BLOC1S3: variants seen among roughly 807,000 people sequenced by gnomAD.
The protein encoded by BLOC1S3 is biogenesis of lysosome-related organelles complex 1 subunit 3.
A neutral mutation model predicts 9.1 loss-of-function variants in BLOC1S3; 7 were observed. The ratio of observed to expected loss-of-function variants is 0.77; its 90% CI spans 0.44 to 1.45. The LOEUF (loss-of-function observed/expected upper bound fraction) is 1.45. Ranked by LOEUF, BLOC1S3 falls within the 40% of genes most tolerant of loss-of-function variation. The pLI is 0.01. For missense variants in BLOC1S3, 307 were observed against 315.2 expected (o/e 0.97, Z 0.20); for synonymous variants, 145 against 158.4 (o/e 0.92, Z 0.64).
In BLOC1S3 at chr19:45,180,294, G is replaced by A. The variant is rs117001334; in HGVS notation, c.*389G>A. On this transcript the variant is annotated 3_prime_UTR_variant, in exon 2 of 2. Transcript: ENST00000433642. ...GTGTTTATCTGTCACCCAGGCTAGA[G>A]TGCAGTGGCGGGATTACTGCTCACT... 2.4e-4 allele frequency: 37 copies of A among 153,610 alleles called. No individual in the cohort carries two copies. In the East Asian group the frequency reaches 5.9e-3, roughly 24 times the overall value. 9.5% of individuals were successfully genotyped at this position (153,610 alleles called of 1,614,324 possible). A position where few individuals can be genotyped will look rare whatever the true frequency, so the allele number is the denominator to read the frequency against.
intron 3 of BLOC1S3, among the ~76,000 whole-genome samples, chr19:45,204,076 G>C (rs1043356366): frequency 1.3e-5 from 2 of 150,622 alleles, no homozygotes; most frequent in Non-Finnish European, 3.0e-5. Flanking sequence ...GCGCAATCTT[G>C]GCTCACTGCA....
At chr19:45,183,134 G>A (rs184876619), downstream of BLOC1S3, among the ~76,000 whole-genome samples, 30 of 152,104 alleles carry the variant, frequency 2.0e-4, no homozygotes, top group African/African-American at 6.7e-4. Context: ...GTGGGGCAGG[G>A]GGGTGCTGAG....
chr19:45,179,977 T>A lies in BLOC1S3; in HGVS notation c.*72T>A. On this transcript the variant is annotated 3_prime_UTR_variant, in exon 2 of 2. Transcript: ENST00000433642. The surrounding 1 kb of genome is among the most constrained non-coding windows in gnomAD (Gnocchi z 4.6). ...GCTGCCTCTGGGACCTGACTCTGTCTCCTGTGTCTCTTATCACCCCCCACC... is the reference window on the plus strand; with the variant it reads ...GCTGCCTCTGGGACCTGACTCTGTCACCTGTGTCTCTTATCACCCCCCACC... 2 of 1,540,914 alleles carry A rather than the reference T, an allele frequency of 1.3e-6. No individual in the cohort carries two copies. The highest frequency in any genetic ancestry group is 1.8e-6 in the Non-Finnish European group (2 of 1,136,666).
chr19:45,179,361 C>T lies in BLOC1S3; in HGVS notation c.65C>T (p.Ala22Val), dbSNP rs1441020258. ...RRPETVVPGEATETDSERSAS... is the reference protein window; with the variant it reads ...RRPETVVPGEVTETDSERSAS... Reference sequence around the variant, plus strand: ...CCGGAGACGGTGGTGCCGGGGGAGGCGACCGAGACGGATTCCGAGCGCTCT... The same window carrying T: ...CCGGAGACGGTGGTGCCGGGGGAGGTGACCGAGACGGATTCCGAGCGCTCT... Residue 22 changes from alanine (A) to valine (V), a missense_variant, in exon 2 of 2, where the codon GCG (alanine) becomes GTG (valine). By Grantham distance (64) the Ala-to-Val change is moderately conservative (BLOSUM62 0). Transcript: ENST00000433642. This position sits in a 1 kb window ranked among gnomAD's most constrained non-coding sequence, Gnocchi z 4.6. The T allele has an allele frequency of 1.3e-6, 2 of 1,584,988 alleles. No individual in the cohort carries two copies. Among genetic ancestry groups the T allele is most frequent in the South Asian group, 2.2e-5 (2 of 88,894 alleles).
intron 2 of BLOC1S3, among the ~76,000 whole-genome samples, chr19:45,200,182 A>T (rs967632940): frequency 7.4e-6 from 1 of 135,220 alleles, no homozygotes; most frequent in Non-Finnish European, 1.6e-5. Flanking sequence ...TTTCTACTTA[A>T]TTTTTTTTTT....
intron 2 of BLOC1S3, among the ~76,000 whole-genome samples, chr19:45,197,412 G>T (rs556481312): frequency 2.0e-5 from 3 of 150,996 alleles, no homozygotes; most frequent in Non-Finnish European, 4.4e-5. Context: ...ACTTGAACCC[G>T]GGAGGTGGAG....
intron 2 of BLOC1S3, among the ~76,000 whole-genome samples, chr19:45,195,987 C>T (rs912369235): frequency 1.3e-5 from 2 of 152,204 alleles, no homozygotes. Context: ...GTGACCAAGC[C>T]ATCTGCTAGT....
At chr19:45,193,064 G>A (rs550826423) in intron 2 of BLOC1S3, among the ~76,000 whole-genome samples, 4 of 148,564 alleles carry the variant, frequency 2.7e-5, no homozygotes, top group South Asian at 2.2e-4. Flanking sequence ...CCCAGGAGGC[G>A]GAGGTTGCTG....
In BLOC1S3 at chr19:45,180,235, ATTTTTTTT is replaced by A. The variant is rs34965337; in HGVS notation, c.*347_*354del. 373 of 90,542 alleles carry A rather than the reference ATTTTTTTT, an allele frequency of 4.1e-3. 2 individuals are homozygous for A. The highest frequency in any genetic ancestry group is 0.019 in the African/African-American group (347 of 17,906). 5.6% of individuals were successfully genotyped at this position (90,542 alleles called of 1,614,324 possible). On this transcript the variant is annotated 3_prime_UTR_variant, in exon 2 of 2. Transcript: ENST00000433642. ...CTGTTTCCACCCTGGGGGCTCACCA[ATTTTTTTT>A]TTTTTTTTTTTTTTTTGGAGACAGG...
At chr19:45,206,623 A>ATT (rs77449388) in intron 3 of BLOC1S3, among the ~76,000 whole-genome samples, 3 of 133,506 alleles carry the variant, frequency 2.2e-5, no homozygotes, top group East Asian at 2.2e-4. Flanking sequence ...ACCTAGTTAA[A>ATT]TTTTTTTTTT....
At position 45,200,275 on chromosome 19, in the gene BLOC1S3, G is replaced by A. The variant is rs987130793; in HGVS notation, n.181-2131G>A. 4.7e-5 allele frequency among the ~76,000 whole-genome samples: 7 copies of A among 148,466 alleles called. 1 individual carries two copies. The highest frequency in any genetic ancestry group is 1.2e-4 in the African/African-American group (5 of 40,168). On this transcript the variant is annotated intron_variant and non_coding_transcript_variant, in intron 2 of 3. Transcript: ENST00000591569. Reference sequence around the variant, plus strand: ...CCGCTCACTGCAAGCTCCACCTCCCGAGTTCATGCCATCCTCCTGCCTCAG... The same window carrying A: ...CCGCTCACTGCAAGCTCCACCTCCCAAGTTCATGCCATCCTCCTGCCTCAG...
chr19:45,186,433 A>G (rs1969566251), downstream of BLOC1S3, among the ~76,000 whole-genome samples: 1 of 152,020 alleles, frequency 6.6e-6, no homozygotes, highest in Non-Finnish European at 1.5e-5. Flanking sequence ...AAAGTGAGCC[A>G]CCATGCCCAG....
chr19:45,179,795 C>T lies in BLOC1S3; in HGVS notation c.499C>T (p.Leu167Phe), dbSNP rs572296006. 1.2e-4 allele frequency: 184 copies of T among 1,594,560 alleles called. 3 individuals carry two copies. In the South Asian group the frequency reaches 1.7e-3, roughly 15 times the overall value. The change falls in exon 2 of 2, where the codon CTT becomes TTT. Residue 167 changes from leucine to phenylalanine, a missense_variant. Transcript: ENST00000433642. The surrounding 1 kb of genome is among the most constrained non-coding windows in gnomAD (Gnocchi z 4.6). ...AHSVRLARGD[L>F]CALAERLDIV... is the part of the protein sequence containing the mutation. Reference sequence around the variant, plus strand: ...CAGCGTGCGCCTGGCGCGCGGGGACCTTTGTGCGCTGGCCGAGCGTCTGGA... The same window carrying T: ...CAGCGTGCGCCTGGCGCGCGGGGACTTTTGTGCGCTGGCCGAGCGTCTGGA...
At chr19:45,203,612 G>A (rs1323026892) in intron 3 of BLOC1S3, among the ~76,000 whole-genome samples, 1 of 152,104 alleles carries the variant, frequency 6.6e-6, no homozygotes, top group Non-Finnish European at 1.5e-5. Context: ...GGCCCGCAGT[G>A]GCTAGGCATG....
chr19:45,182,924 G>T (rs537903070), downstream of BLOC1S3, among the ~76,000 whole-genome samples: 68 of 152,272 alleles, frequency 4.5e-4, no homozygotes, highest in African/African-American at 1.5e-3. Flanking sequence ...TAATCTGGGC[G>T]GGAGAGAGGA....
In BLOC1S3 at chr19:45,195,583, C is replaced by G. The variant is rs994877865; in HGVS notation, n.181-6823C>G. Reference sequence around the variant, plus strand: ...CTTCCCTCCCTCCCTCCCTCCCTCCCTCTCTCCCTTCCTCCCTCCTTCCTT... The same window carrying G: ...CTTCCCTCCCTCCCTCCCTCCCTCCGTCTCTCCCTTCCTCCCTCCTTCCTT... On this transcript the variant is annotated intron_variant and non_coding_transcript_variant, in intron 2 of 3. Coordinates refer to the BLOC1S3 transcript ENST00000591569. Among the ~76,000 whole-genome samples, 52 of 146,438 alleles carry G rather than the reference C, an allele frequency of 3.6e-4. 1 individual carries two copies. Among genetic ancestry groups the G allele is most frequent in the South Asian group, 9.0e-4 (4 of 4,420 alleles).
intron 3 of BLOC1S3, among the ~76,000 whole-genome samples, chr19:45,209,715 C>CAA: frequency 1.3e-5 from 2 of 150,998 alleles, no homozygotes; most frequent in Non-Finnish European, 2.9e-5. Flanking sequence ...GCCACCATGC[C>CAA]CGGCCTATTT....
In BLOC1S3 at chr19:45,204,658, A is replaced by G. The variant is rs560791860; in HGVS notation, n.282+2151A>G. On this transcript the variant is annotated intron_variant and non_coding_transcript_variant, in intron 3 of 3. Coordinates refer to the BLOC1S3 transcript ENST00000591569. ...ATCAGCTGCGGCTGACCAGTTATCT[A>G]TCTCTCTCTCCATGCTGCCTCTTGC... Among the ~76,000 whole-genome samples the G allele has an allele frequency of 2.0e-5, 3 of 152,162 alleles. No individual in the cohort carries two copies. In the South Asian group the frequency reaches 6.2e-4, roughly 32 times the overall value.
chr19:45,215,935 G>A lies in BLOC1S3; in HGVS notation n.283-741G>A, dbSNP rs141724506. On this transcript the variant is annotated intron_variant and non_coding_transcript_variant, in intron 3 of 3. Transcript: ENST00000591569. ...AGGGAAATCTTATTAATAATGCCCT[G>A]GTTCCAGCAGGAAACGGCCGTCAGA... 1.2e-3 allele frequency: 1,545 copies of A among 1,236,268 alleles called. 26 individuals carry two copies. In the African/African-American group the frequency reaches 0.021, roughly 17 times the overall value. 76.6% of individuals were successfully genotyped at this position (1,236,268 alleles called of 1,614,324 possible).
Sources: gnomAD v4.1 joint callset for allele counts (sites outside exome capture counted in the v4.1 genomes callset) on GRCh38, gnomAD v4.1.1 for gene constraint, Gnocchi (gnomAD v3.1) non-coding constraint, MANE v1.5 for transcripts, NCBI Gene and HGNC (gene_info 2026-07-23, HGNC 2026-07-21) for gene names.